BICRA: variants seen among roughly 807,000 people sequenced by gnomAD.
BICRA encodes BRD4-interacting chromatin-remodeling complex-associated protein.
A neutral mutation model predicts 96.9 loss-of-function variants in BICRA; 31 were observed. The ratio of observed to expected loss-of-function variants is 0.32; its 90% CI spans 0.24 to 0.43. The LOEUF is 0.43. BICRA is among the 20% of genes least tolerant of loss of function. The probability of loss-of-function intolerance (pLI) is 1.00; values close to 1 mark genes in which losing one functional copy is unlikely to be tolerated. For missense variants in BICRA, 2,283 were observed against 2,190.3 expected (o/e 1.04, Z -0.84); for synonymous variants, 1,350 against 1,071.8 (o/e 1.26, Z -5.07).
At chr19:47,630,933 C>T (rs919386986) in intron 1 of BICRA, among the ~76,000 whole-genome samples, 8 of 152,072 alleles carry the variant, frequency 5.3e-5, no homozygotes, top group Non-Finnish European at 1.0e-4. Flanking sequence ...TTTCCCCACA[C>T]GAAGTTTTCA....
chr19:47,649,217 C>T (rs1005058198), intron 1 of BICRA, among the ~76,000 whole-genome samples: 1 of 151,802 alleles, frequency 6.6e-6, no homozygotes, highest in Admixed American at 6.6e-5. Flanking sequence ...AAGCTCCTGA[C>T]CTCAAGTGAT....
At chr19:47,673,886 CA>C in intron 4 of BICRA, 124 bp downstream of exon 4, 4 of 850,510 alleles carry the variant, frequency 4.7e-6, no homozygotes, top group Non-Finnish European at 8.1e-6. Context: ...TAACGCCAGG[CA>C]CTGGAGTTAC....
chr19:47,626,974 G>A (rs1972151158), intron 1 of BICRA, among the ~76,000 whole-genome samples: 1 of 151,956 alleles, frequency 6.6e-6, no homozygotes, highest in African/African-American at 2.4e-5. Context: ...CGCCCGTCTT[G>A]GCCTCCCAGA....
rs1973042694 is a variant in BICRA, at chr19:47,681,011, A to G, written c.1841A>G (p.Glu614Gly). Residue 614 changes from glutamate (E) to glycine (G), a missense_variant, in exon 6 of 15, where the codon GAG becomes GGG. Glu to Gly is a moderately conservative substitution (Grantham distance 98). Transcript: ENST00000594866. Reference sequence around the variant, plus strand: ...GCCACCCCTGCCGCTGCCACCGGGGAGGCCGCGCCTGTCCTCACGGTGCAG... The same window carrying G: ...GCCACCCCTGCCGCTGCCACCGGGGGGGCCGCGCCTGTCCTCACGGTGCAG... ...QPATPAAATGEAAPVLTVQPA... is the reference protein window; with the variant it reads ...QPATPAAATGGAAPVLTVQPA... 1.2e-5 allele frequency: 17 copies of G among 1,448,590 alleles called. No homozygotes were observed. The highest frequency in any genetic ancestry group is 1.4e-5 in the Non-Finnish European group (16 of 1,110,054). 89.7% of individuals were successfully genotyped at this position (1,448,590 alleles called of 1,614,324 possible).
Position 47,681,058 on chromosome 19 carries a change from G to A in BICRA, c.1888G>A (p.Ala630Thr), listed in dbSNP as rs1352091143. ...GCAGCCTGCCCCCCAGGCGCCCCCC[G>A]CGGTCAGCACACCCCTGCCCCTGGG... ...TVQPAPQAPP[A>T]VSTPLPLGLQ... is the part of the protein sequence containing the mutation. The change falls in exon 6 of 15, where the codon GCG (alanine) becomes ACG (threonine). Residue 630 changes from alanine to threonine, a missense_variant. Physicochemically the swap from Ala to Thr is moderately conservative, Grantham distance 58. Transcript: ENST00000594866. The A allele has an allele frequency of 1.5e-4, 204 of 1,329,576 alleles. No homozygotes were observed. The highest frequency in any genetic ancestry group is 1.8e-4 in the Non-Finnish European group (185 of 1,043,258). The allele number at this position is 1,329,576 out of a possible 1,614,324, so 82.4% of individuals were successfully genotyped here. A position where few individuals can be genotyped will look rare whatever the true frequency, so the allele number is the denominator to read the frequency against.
chr19:47,695,342 T>TCGGGGGGGGCCCCCCC, intron 9 of BICRA, 23 bp from the exon 10 acceptor site: 6 of 630,190 alleles, frequency 9.5e-6, no homozygotes, highest in Middle Eastern at 4.3e-4. Flanking sequence ...AGGCCCTGTC[T>TCGGGGGGGGCCCCCCC]CCCCCACCCC....
chr19:47,644,982 G>T (rs1302298071), intron 1 of BICRA, among the ~76,000 whole-genome samples: 1 of 152,180 alleles, frequency 6.6e-6, no homozygotes, highest in Non-Finnish European at 1.5e-5. Flanking sequence ...TGACACGAAC[G>T]TGCATTTCCA....
rs758258738 is a variant in BICRA at position 47,680,180 on chromosome 19, T to C, written c.1010T>C (p.Val337Ala). 15 of 1,541,746 alleles carry C rather than the reference T, an allele frequency of 9.7e-6. No individual in the cohort carries two copies. The South Asian group carries it at 1.7e-4, about 17-fold the overall frequency. ...VAPGLGSSPL[V>A]PAPNVILHRT... ...CCAGGCCTCGGCTCGTCGCCACTGG[T>C]CCCGGCGCCCAACGTGATCCTGCAT... Residue 337 changes from valine (V) to alanine (A), a missense_variant, in exon 6 of 15, where the codon GTC (valine) becomes GCC (alanine). Physicochemically the swap from Val to Ala is moderately conservative, Grantham distance 64 (BLOSUM62 0). Transcript: ENST00000594866.
chr19:47,682,385 C>G (rs1489923015), intron 7 of BICRA, among the ~76,000 whole-genome samples: 1 of 152,204 alleles, frequency 6.6e-6, no homozygotes, highest in Non-Finnish European at 1.5e-5. Flanking sequence ...GGAAGGAAAT[C>G]TGTTCTTTCC....
Position 47,680,096 on chromosome 19 carries a change from G to T in BICRA, c.926G>T (p.Gly309Val). 6.4e-7 allele frequency: 1 copy of T among 1,551,506 alleles called. No individual in the cohort carries two copies. Among genetic ancestry groups the T allele is most frequent in the Non-Finnish European group, 8.6e-7 (1 of 1,160,040 alleles). The change falls in exon 6 of 15, where the codon GGC becomes GTC. Residue 309 changes from glycine to valine, a missense_variant. Physicochemically the swap from Gly to Val is moderately radical, Grantham distance 109. Transcript: ENST00000594866. ...TTLNGNSVFG[G>V]AGAASAPTGT... ...CTCAATGGGAACTCTGTGTTCGGAG[G>T]CGCGGGGGCCGCCTCGGCTCCCACC...
intron 1 of BICRA, among the ~76,000 whole-genome samples, chr19:47,669,344 G>T (rs1020193349): frequency 6.6e-6 from 1 of 152,028 alleles, no homozygotes; most frequent in African/African-American, 2.4e-5. Flanking sequence ...GTGATGTATC[G>T]ATTGATGGGT....
In BICRA at chr19:47,701,217, TGCAGTCTGGTGCCTG is replaced by T. The variant is rs1043604581; in HGVS notation, c.3596-106_3596-92del. On this transcript the variant is annotated intron_variant, in intron 14 of 14. Transcript: ENST00000594866. This position sits in a 1 kb window ranked among gnomAD's most constrained non-coding sequence, Gnocchi z 5.4. ...ATCCTGAGGATTGGAGGGTCCAGGG[TGCAGTCTGGTGCCTG>T]GCAGGTAGTAGGTGCTCACTGCACA... is the stretch of plus-strand genomic sequence containing the variant. 7 of 724,386 alleles carry T rather than the reference TGCAGTCTGGTGCCTG, an allele frequency of 9.7e-6. No homozygotes were observed. The highest frequency in any genetic ancestry group is 1.7e-5 in the Non-Finnish European group (7 of 418,516). The allele number at this position is 724,386 out of a possible 1,614,324, so 44.9% of individuals were successfully genotyped here.
rs997507499 is a variant in BICRA at position 47,680,368 on chromosome 19, A to G, written c.1198A>G (p.Met400Val). The G allele has an allele frequency of 1.4e-5, 21 of 1,530,370 alleles. No homozygotes were observed. The highest frequency in any genetic ancestry group is 2.8e-5 in the African/African-American group (2 of 72,500). The allele number at this position is 1,530,370 out of a possible 1,614,324, so 94.8% of individuals were successfully genotyped here. The change falls in exon 6 of 15, where the codon ATG becomes GTG. Residue 400 changes from methionine (M) to valine (V), a missense_variant. Coordinates refer to ENST00000594866, the MANE Select transcript of BICRA (RefSeq NM_001394372.1). ...QPKAPQNLTF[M>V]AAGKAGQNVV... ...CAAGGCCCCGCAGAACCTGACGTTCATGGCGGCGGGGAAGGCGGGCCAGAA... is the reference window on the plus strand; with the variant it reads ...CAAGGCCCCGCAGAACCTGACGTTCGTGGCGGCGGGGAAGGCGGGCCAGAA...
At chr19:47,667,095 T>C (rs1972791525) in intron 1 of BICRA, among the ~76,000 whole-genome samples, 1 of 151,042 alleles carries the variant, frequency 6.6e-6, no homozygotes, top group African/African-American at 2.4e-5. Flanking sequence ...CTCGGCTCAC[T>C]GCAACCTCCG....
Position 47,701,650 on chromosome 19 carries a change from C to T in BICRA, c.3918C>T (p.Ile1306=), listed in dbSNP as rs759678085. The change falls in exon 15 of 15, where the codon ATC becomes ATT. Residue 1306 remains isoleucine (I), a synonymous_variant. Coordinates refer to ENST00000594866, the MANE Select transcript of BICRA (RefSeq NM_001394372.1). The surrounding 1 kb of genome is among the most constrained non-coding windows in gnomAD (Gnocchi z 5.4). ...AGACCTACGAGGCCCGGAGCCGCATCGGGCTCAAGCTCAAGATCAAGCAGG... is the reference window on the plus strand; with the variant it reads ...AGACCTACGAGGCCCGGAGCCGCATTGGGCTCAAGCTCAAGATCAAGCAGG... ...PIKTYEARSR[I]GLKLKIKQEA... is the part of the protein sequence containing the mutation. The T allele has an allele frequency of 4.4e-6, 7 of 1,597,300 alleles. No homozygotes were observed. The highest frequency in any genetic ancestry group is 2.3e-5 in the East Asian group (1 of 44,016).
At chr19:47,622,339 C>T (rs1248058875) in intron 1 of BICRA, among the ~76,000 whole-genome samples, 2 of 151,802 alleles carry the variant, frequency 1.3e-5, no homozygotes, top group South Asian at 4.2e-4. Flanking sequence ...TCAGGTGATC[C>T]TCTCGCCTTG....
intron 1 of BICRA, among the ~76,000 whole-genome samples, chr19:47,617,480 C>T (rs1168050319): frequency 6.6e-6 from 1 of 152,054 alleles, no homozygotes; most frequent in Non-Finnish European, 1.5e-5. Context: ...TCTCGTGCCT[C>T]AGTCTCCCGA....
intron 7 of BICRA, among the ~76,000 whole-genome samples, chr19:47,687,673 G>A (rs990334119): frequency 2.0e-5 from 3 of 152,036 alleles, no homozygotes; most frequent in East Asian, 1.9e-4. Context: ...GTGGGCACCT[G>A]TAATCCCAGC....
chr19:47,676,188 T>C (rs1972938018), intron 5 of BICRA, among the ~76,000 whole-genome samples: 1 of 151,974 alleles, frequency 6.6e-6, no homozygotes, highest in Non-Finnish European at 1.5e-5. Context: ...CTTGGGGCCC[T>C]GGGGTGGCTC....
Sources: gnomAD v4.1 joint callset for allele counts (sites outside exome capture counted in the v4.1 genomes callset) on GRCh38, gnomAD v4.1.1 for gene constraint, Gnocchi (gnomAD v3.1) non-coding constraint, MANE v1.5 for transcripts, NCBI Gene and HGNC (gene_info 2026-07-23, HGNC 2026-07-21) for gene names.